The following CNBD1 variants were observed in gnomAD, a reference collection of about 807,000 sequenced individuals.
The protein encoded by CNBD1 is cyclic nucleotide-binding domain-containing protein 1.
In CNBD1, 71 loss-of-function variants were observed where a neutral mutation model predicts 54.4. The observed-to-expected ratio is 1.30, with a 90% confidence interval of 1.08 to 1.59. The LOEUF (loss-of-function observed/expected upper bound fraction) is 1.59. Ranked by LOEUF, CNBD1 falls within the 40% of genes most tolerant of loss-of-function variation. The probability of loss-of-function intolerance (pLI) is 0.00; values close to 1 mark genes in which losing one functional copy is unlikely to be tolerated. For missense variants in CNBD1, 659 were observed against 518.0 expected, an observed-to-expected ratio of 1.27 and a Z score of -2.64; for synonymous variants, 182 against 170.7, an observed-to-expected ratio of 1.07 and a Z score of -0.51.
At chr8:87,120,480 G>T (rs968569586) in intron 4 of CNBD1, among the ~76,000 whole-genome samples, 3 of 151,662 alleles carry the variant, frequency 2.0e-5, no homozygotes, top group Non-Finnish European at 4.4e-5. Context: ...GGTTAGTCTA[G>T]CTAGTGTTAA....
chr8:86,876,150 A>G (rs1808516949), intron 1 of CNBD1, among the ~76,000 whole-genome samples: 1 of 149,066 alleles, frequency 6.7e-6, no homozygotes, highest in South Asian at 2.2e-4. Context: ...ATCCACTGTG[A>G]TAATGCCTTG....
At chr8:87,246,267 A>C (rs1448767140) in intron 6 of CNBD1, among the ~76,000 whole-genome samples, 1 of 152,126 alleles carries the variant, frequency 6.6e-6, no homozygotes, top group Non-Finnish European at 1.5e-5. Flanking sequence ...CCATGTCATA[A>C]TTTCCATTAT....
Position 86,873,260 on chromosome 8 carries a change from C to A in CNBD1, c.88+6677C>A, listed in dbSNP as rs766559090. 5.3e-5 allele frequency among the ~76,000 whole-genome samples: 8 copies of A among 151,960 alleles called. No individual in the cohort carries two copies. The East Asian group carries it at 5.9e-4, about 11-fold the overall frequency. The stretch of plus-strand genomic sequence containing the variant: ...GGGATTACAGGCATGCGCCACCACA[C>A]CCGGCTAATTTTGTATTTTTAGTAG... On this transcript the variant is annotated intron_variant, in intron 1 of 10. Transcript: ENST00000518476.
intron 10 of CNBD1, among the ~76,000 whole-genome samples, chr8:87,381,051 C>T (rs1439115926): frequency 6.6e-6 from 1 of 152,000 alleles, no homozygotes. Context: ...CCACATCAAA[C>T]TAGAAAACGT....
intron 4 of CNBD1, among the ~76,000 whole-genome samples, chr8:87,138,037 C>T (rs1056284871): frequency 4.6e-5 from 7 of 151,996 alleles, no homozygotes; most frequent in African/African-American, 1.5e-4. Flanking sequence ...ATATCTAATT[C>T]GGATTATTTC....
intron 4 of CNBD1, among the ~76,000 whole-genome samples, chr8:86,985,804 G>A (rs1490510021): frequency 6.6e-6 from 1 of 152,156 alleles, no homozygotes; most frequent in African/African-American, 2.4e-5. Flanking sequence ...GAACTAACTT[G>A]CATTCCCACC....
intron 4 of CNBD1, among the ~76,000 whole-genome samples, chr8:86,948,508 A>T (rs1807523797): frequency 6.6e-6 from 1 of 152,156 alleles, no homozygotes; most frequent in South Asian, 2.1e-4. Flanking sequence ...TCTTATGATC[A>T]ATGATTTTGA....
At chr8:87,222,299 T>G (rs1814357468) in intron 5 of CNBD1, among the ~76,000 whole-genome samples, 1 of 151,804 alleles carries the variant, frequency 6.6e-6, no homozygotes, top group South Asian at 2.1e-4. Flanking sequence ...AAGCTTTCAT[T>G]TATTCGACGA....
At chr8:87,380,692 A>T (rs1310897473) in intron 10 of CNBD1, among the ~76,000 whole-genome samples, 1 of 151,886 alleles carries the variant, frequency 6.6e-6, no homozygotes, top group Non-Finnish European at 1.5e-5. Flanking sequence ...AATTTCTTTA[A>T]TTGGTGTTTT....
intron 5 of CNBD1, among the ~76,000 whole-genome samples, chr8:87,230,121 A>T (rs1814641919): frequency 6.6e-6 from 1 of 152,160 alleles, no homozygotes; most frequent in African/African-American, 2.4e-5. Flanking sequence ...GGAGGAACAG[A>T]GAGAAGAGGG....
At chr8:87,303,573 A>G (rs1161655758) in intron 8 of CNBD1, among the ~76,000 whole-genome samples, 5 of 152,214 alleles carry the variant, frequency 3.3e-5, no homozygotes, top group Admixed American at 3.3e-4. Context: ...GGACATAGGC[A>G]TGGGCAAGGT....
chr8:87,035,359 T>A (rs2130600703), intron 4 of CNBD1, among the ~76,000 whole-genome samples: 1 of 152,260 alleles, frequency 6.6e-6, no homozygotes, highest in South Asian at 2.1e-4. Context: ...AACATTAGAT[T>A]GGATATTTTT....
chr8:87,302,755 A>T (rs1218900106), intron 8 of CNBD1, among the ~76,000 whole-genome samples: 11 of 152,014 alleles, frequency 7.2e-5, no homozygotes, highest in Admixed American at 7.2e-4. Context: ...TCAGCCCAAA[A>T]TCTCCTTAAG....
At chr8:87,300,509 A>C (rs1006411987) in intron 8 of CNBD1, among the ~76,000 whole-genome samples, 2 of 152,192 alleles carry the variant, frequency 1.3e-5, no homozygotes, top group African/African-American at 4.8e-5. Flanking sequence ...TTGTAGCTAT[A>C]CTGGTACGTT....
intron 4 of CNBD1, among the ~76,000 whole-genome samples, chr8:86,958,828 A>G (rs1807850652): frequency 6.6e-6 from 1 of 152,166 alleles, no homozygotes; most frequent in Non-Finnish European, 1.5e-5. Context: ...GCCCATTTAC[A>G]TTTAAGATTA....
chr8:87,184,759 C>G (rs1302829963), intron 4 of CNBD1, among the ~76,000 whole-genome samples: 2 of 152,088 alleles, frequency 1.3e-5, no homozygotes, highest in African/African-American at 2.4e-5. Context: ...CCAACACCTG[C>G]TTTCTGAAGA....
At chr8:87,414,377 TG>T (rs1480657662) in intron 2 of CNBD1, among the ~76,000 whole-genome samples, 1 of 151,100 alleles carries the variant, frequency 6.6e-6, no homozygotes, top group Non-Finnish European at 1.5e-5. Flanking sequence ...TGTTGTGGGG[TG>T]GGGAGAGGTG....
At chr8:87,217,862 T>G (rs1345869033) in intron 5 of CNBD1, among the ~76,000 whole-genome samples, 1 of 152,122 alleles carries the variant, frequency 6.6e-6, no homozygotes, top group African/African-American at 2.4e-5. Context: ...ATCTGGACTT[T>G]ATATTTATTG....
intron 5 of CNBD1, among the ~76,000 whole-genome samples, chr8:87,224,668 A>C (rs1222571658): frequency 6.6e-6 from 1 of 151,718 alleles, no homozygotes; most frequent in Non-Finnish European, 1.5e-5. Flanking sequence ...GTTTGAAGTC[A>C]GGTAGTGTGA....
Sources: allele counts gnomAD v4.1 joint callset (sites outside exome capture counted in the v4.1 genomes callset), GRCh38; gene constraint gnomAD v4.1.1; transcripts MANE v1.5; gene names NCBI Gene and HGNC (gene_info 2026-07-23, HGNC 2026-07-21).